GALNT2: variants seen among roughly 807,000 people sequenced by gnomAD.
GALNT2 encodes polypeptide N-acetylgalactosaminyltransferase 2, also known as UDP-GalNAc:polypeptide N-acetylgalactosaminyltransferase 2.
In GALNT2, 31 loss-of-function variants were observed where a neutral mutation model predicts 81.4. The ratio of observed to expected loss-of-function variants is 0.38; its 90% confidence interval spans 0.29 to 0.51. The LOEUF (loss-of-function observed/expected upper bound fraction) is 0.51. Among genes scored for constraint, GALNT2 ranks in the 20% least tolerant of loss-of-function variants. The pLI, the probability that GALNT2 is intolerant of heterozygous loss-of-function variation, is 0.87. For synonymous variants in GALNT2, 303 were observed against 287.4 expected (o/e 1.05, Z -0.55); for missense variants, 629 against 765.7 (o/e 0.82, Z 2.11).
In GALNT2 at chr1:230,243,159, T is replaced by G; in HGVS notation, c.608-147T>G. 7 of 1,003,158 alleles carry G rather than the reference T, an allele frequency of 7.0e-6. No homozygotes were observed. The highest frequency in any genetic ancestry group is 1.7e-5 in the African/African-American group (1 of 60,594). 62.1% of individuals were successfully genotyped at this position (1,003,158 alleles called of 1,614,324 possible). On this transcript the variant is annotated intron_variant, in intron 6 of 15. Coordinates refer to ENST00000366672, the MANE Select transcript of GALNT2 (RefSeq NM_004481.5). This position sits in a 1 kb window ranked among gnomAD's most constrained non-coding sequence, Gnocchi z 4.2. The stretch of plus-strand genomic sequence containing the variant: ...AATAGTCTGTCTCATGGAGCAGTTT[T>G]GATCTCATCCAGCAAGTTTACAGTA...
intron 1 of GALNT2, among the ~76,000 whole-genome samples, chr1:230,060,276 A>T (rs1659016409): frequency 6.6e-6 from 1 of 152,026 alleles, no homozygotes; most frequent in South Asian, 2.1e-4. Context: ...TCTCCCTTGG[A>T]CACCTTGTAA....
intron 1 of GALNT2, among the ~76,000 whole-genome samples, chr1:230,058,611 G>A (rs1245654169): frequency 2.0e-5 from 3 of 152,300 alleles, no homozygotes; most frequent in South Asian, 2.1e-4. Flanking sequence ...GGACTGTTGC[G>A]AAGATTTAAT....
chr1:230,065,313 T>C (rs1378114119), upstream of GALNT2, among the ~76,000 whole-genome samples: 2 of 152,216 alleles, frequency 1.3e-5, no homozygotes, highest in Non-Finnish European at 2.9e-5. Flanking sequence ...GTTTCTGGGA[T>C]AGTTTTTGTC....
chr1:230,093,337 C>T (rs1388449420), intron 1 of GALNT2, among the ~76,000 whole-genome samples: 1 of 151,690 alleles, frequency 6.6e-6, no homozygotes, highest in Non-Finnish European at 1.5e-5. Flanking sequence ...ATAACAGAAA[C>T]CAAAAGCAGA....
chr1:230,150,596 T>C (rs1292798572), intron 1 of GALNT2, among the ~76,000 whole-genome samples: 1 of 152,244 alleles, frequency 6.6e-6, no homozygotes, highest in African/African-American at 2.4e-5. Context: ...TCTCATCTCT[T>C]TGGTAGAGCA....
At chr1:230,233,092 T>C (rs1664918046) in intron 3 of GALNT2, among the ~76,000 whole-genome samples, 1 of 152,250 alleles carries the variant, frequency 6.6e-6, no homozygotes, top group Non-Finnish European at 1.5e-5. Flanking sequence ...TTGAGCACTT[T>C]CTCTGAAGGT....
intron 1 of GALNT2, among the ~76,000 whole-genome samples, chr1:230,106,345 C>T (rs766823608): frequency 1.3e-5 from 2 of 152,216 alleles, no homozygotes; most frequent in Non-Finnish European, 2.9e-5. Flanking sequence ...TTAGTGCCTG[C>T]TTCCAGGAGC....
At chr1:230,153,100 G>A (rs1341629235) in intron 1 of GALNT2, among the ~76,000 whole-genome samples, 1 of 152,200 alleles carries the variant, frequency 6.6e-6, no homozygotes. Context: ...GTCTTACCGT[G>A]TTGTCCAGGC....
chr1:230,099,857 A>G (rs1291121131), intron 1 of GALNT2, among the ~76,000 whole-genome samples: 1 of 152,218 alleles, frequency 6.6e-6, no homozygotes, highest in Non-Finnish European at 1.5e-5. Context: ...GCAGTGTGCC[A>G]CAGCCTCCTT....
chr1:230,071,372 T>C (rs1400275176), intron 1 of GALNT2, among the ~76,000 whole-genome samples: 2 of 152,168 alleles, frequency 1.3e-5, no homozygotes, highest in African/African-American at 4.8e-5. Flanking sequence ...ATCCCAGTAG[T>C]GGGCAGCCAT....
intron 2 of GALNT2, among the ~76,000 whole-genome samples, chr1:230,197,440 A>G (rs1663733653): frequency 6.6e-6 from 1 of 152,170 alleles, no homozygotes. Flanking sequence ...CCCCGGGGTC[A>G]GTTGCAGAGT....
intron 11 of GALNT2, chr1:230,262,248 CTTCT>C (rs1558167268): frequency 3.7e-6 from 1 of 267,966 alleles, no homozygotes. Flanking sequence ...TTCTTTTGTC[CTTCT>C]TTAAGATATA....
chr1:230,076,801 T>G (rs1659574016), intron 1 of GALNT2, among the ~76,000 whole-genome samples: 1 of 152,152 alleles, frequency 6.6e-6, no homozygotes, highest in Admixed American at 6.5e-5. Flanking sequence ...TCCAGTGTAC[T>G]TCTGGATAAA....
chr1:230,249,213 G>A lies in GALNT2; in HGVS notation c.847G>A (p.Asp283Asn). 1.2e-6 allele frequency: 2 copies of A among 1,614,196 alleles called. No individual in the cohort carries two copies. The highest frequency in any genetic ancestry group is 8.5e-7 in the Non-Finnish European group (1 of 1,180,032). ...GFDWNLVFKW[D>N]YMTPEQRRSR... is the part of the protein sequence containing the mutation. ...TGATTGGAACTTGGTATTCAAGTGG[G>A]ATTACATGACGCCTGAGCAGAGAAG... Residue 283 changes from aspartate to asparagine, a missense_variant, in exon 9 of 16, where the codon GAT becomes AAT. Asp to Asn is a conservative substitution (Grantham distance 23, BLOSUM62 1). Coordinates refer to ENST00000366672, the MANE Select transcript of GALNT2 (RefSeq NM_004481.5).
intron 1 of GALNT2, among the ~76,000 whole-genome samples, chr1:230,122,838 TC>T (rs776851525): frequency 1.3e-5 from 2 of 152,186 alleles, no homozygotes; most frequent in Non-Finnish European, 2.9e-5. Flanking sequence ...CTGCACGTAC[TC>T]CTGGGCGTTG....
At chr1:230,225,212 C>A (rs1664670900) in intron 3 of GALNT2, among the ~76,000 whole-genome samples, 1 of 152,232 alleles carries the variant, frequency 6.6e-6, no homozygotes, top group African/African-American at 2.4e-5. Flanking sequence ...GAACATTATA[C>A]AACAGCTAAT....
chr1:230,131,555 C>G (rs1661367521), intron 1 of GALNT2, among the ~76,000 whole-genome samples: 1 of 152,184 alleles, frequency 6.6e-6, no homozygotes, highest in African/African-American at 2.4e-5. Flanking sequence ...GGAGTTAGGT[C>G]TTAAGCACTA....
chr1:230,161,471 G>T (rs1662435783), intron 1 of GALNT2, among the ~76,000 whole-genome samples: 1 of 152,162 alleles, frequency 6.6e-6, no homozygotes, highest in Non-Finnish European at 1.5e-5. Flanking sequence ...TGCAGACGTG[G>T]CAAAGAAATA....
Position 230,249,202 on chromosome 1 carries a change from T to C in GALNT2, c.836T>C (p.Val279Ala). 6.2e-7 allele frequency: 1 copy of C among 1,614,182 alleles called. No homozygotes were observed. The highest frequency in any genetic ancestry group is 1.3e-5 in the African/African-American group (1 of 75,056). Residue 279 changes from valine (V) to alanine (A), a missense_variant, in exon 9 of 16, where the codon GTA (valine) becomes GCA (alanine). Transcript: ENST00000366672. ...CTGGCAGGTTTTGATTGGAACTTGG[T>C]ATTCAAGTGGGATTACATGACGCCT... ...DLKGGFDWNL[V>A]FKWDYMTPEQ... is the part of the protein sequence containing the mutation.
Sources: allele counts gnomAD v4.1 joint callset (sites outside exome capture counted in the v4.1 genomes callset), GRCh38; gene constraint gnomAD v4.1.1; non-coding constraint Gnocchi (gnomAD v3.1); transcripts MANE v1.5; gene names NCBI Gene and HGNC (gene_info 2026-07-23, HGNC 2026-07-21).